The following PDE3B variants were observed in gnomAD, a reference collection of about 807,000 sequenced individuals.
PDE3B encodes phosphodiesterase 3B.
A neutral mutation model predicts 116.8 loss-of-function variants in PDE3B; 66 were observed. The ratio of observed to expected loss-of-function variants is 0.56; its 90% CI spans 0.46 to 0.69. The LOEUF (loss-of-function observed/expected upper bound fraction) is 0.69, where lower values mean the gene tolerates loss of function less well. PDE3B is among the 30% of genes least tolerant of loss of function. The pLI is 0.00. For synonymous variants in PDE3B, 595 were observed against 533.6 expected (o/e 1.12, Z -1.59); for missense variants, 1,384 against 1,368.1 (o/e 1.01, Z -0.18).
At chr11:14,662,218 C>T (rs1447960981) in intron 1 of PDE3B, among the ~76,000 whole-genome samples, 3 of 152,186 alleles carry the variant, frequency 2.0e-5, no homozygotes, top group Non-Finnish European at 4.4e-5. Context: ...GCACCTCTAG[C>T]AAACTCCAAC....
At chr11:14,742,557 T>C (rs940616861) in intron 1 of PDE3B, among the ~76,000 whole-genome samples, 2 of 152,196 alleles carry the variant, frequency 1.3e-5, no homozygotes, top group African/African-American at 2.4e-5. Context: ...AATCGTTTGT[T>C]ATTACCCACC....
chr11:14,898,289 C>T, the PDE3B span, among the ~76,000 whole-genome samples: 1 of 152,052 alleles, frequency 6.6e-6, no homozygotes, highest in Non-Finnish European at 1.5e-5. Flanking sequence ...CAATGCAAAC[C>T]TGTTTTAAAG....
intron 12 of PDE3B, among the ~76,000 whole-genome samples, chr11:14,851,509 GGTGT>G (rs35913217): frequency 1.8e-4 from 26 of 148,550 alleles, no homozygotes; most frequent in Middle Eastern, 3.4e-3. Flanking sequence ...GGTATAATGG[GGTGT>G]GTGTGTGTGT....
the PDE3B span, chr11:14,885,703 C>A: frequency 6.9e-7 from 1 of 1,455,028 alleles, no homozygotes; most frequent in Non-Finnish European, 9.6e-7. Context: ...CAACTGTATG[C>A]ACTAAAACTT....
chr11:14,820,260 A>G (rs1312869848), intron 7 of PDE3B, among the ~76,000 whole-genome samples: 19 of 151,728 alleles, frequency 1.3e-4, no homozygotes, highest in Admixed American at 1.2e-3. Flanking sequence ...TATCATTACA[A>G]TGGAATTCAG....
chr11:14,810,888 TG>T (rs1200619855), intron 5 of PDE3B, among the ~76,000 whole-genome samples: 8 of 147,446 alleles, frequency 5.4e-5, no homozygotes, highest in Non-Finnish European at 1.2e-4. Context: ...TATCTCATTG[TG>T]GTTTTGATTT....
At chr11:14,880,559 G>T in the PDE3B span, 11 of 1,613,296 alleles carry the variant, frequency 6.8e-6, no homozygotes, top group Non-Finnish European at 7.6e-6. Context: ...AAAATGATCA[G>T]ATTGGTTATG....
chr11:14,884,188 C>T, the PDE3B span, among the ~76,000 whole-genome samples: 6 of 151,858 alleles, frequency 4.0e-5, no homozygotes, highest in South Asian at 2.1e-4. Flanking sequence ...TGGGTATATA[C>T]CCAAAGGACT....
intron 1 of PDE3B, among the ~76,000 whole-genome samples, chr11:14,715,744 T>G (rs1855860495): frequency 6.6e-6 from 1 of 152,216 alleles, no homozygotes; most frequent in African/African-American, 2.4e-5. Flanking sequence ...TTGAACACCC[T>G]TTATTTCCTT....
rs761556694 is a variant in PDE3B, at chr11:14,835,038, C to T, written c.2263C>T (p.Arg755Trp). 8 of 1,613,162 alleles carry T rather than the reference C, an allele frequency of 5.0e-6. No individual in the cohort carries two copies. The highest frequency in any genetic ancestry group is 2.7e-5 in the African/African-American group (2 of 74,930). Residue 755 changes from arginine (R) to tryptophan (W), a missense_variant, in exon 11 of 16, where the codon CGG becomes TGG. Physicochemically the swap from Arg to Trp is moderately radical, Grantham distance 101. This residue lies in a region of PDE3B where 428 missense variants were observed against 561.4 expected (regional missense o/e 0.76). Transcript: ENST00000282096. ...ACATGCAGTTTGGTATCTGACAACA[C>T]GGCCAGTTCCTGGCTTACAGCAGAT... is the stretch of plus-strand genomic sequence containing the variant. Reference protein sequence around the residue: ...VLHAVWYLTTRPVPGLQQIHN... With the variant: ...VLHAVWYLTTWPVPGLQQIHN...
At chr11:14,791,370 T>TA (rs2133921187) in intron 4 of PDE3B, among the ~76,000 whole-genome samples, 1 of 152,216 alleles carries the variant, frequency 6.6e-6, no homozygotes, top group African/African-American at 2.4e-5. Context: ...AGCCTATGCC[T>TA]GATACCAGGT....
the PDE3B span, chr11:14,890,425 T>C: frequency 3.1e-6 from 3 of 975,242 alleles, no homozygotes; most frequent in Non-Finnish European, 3.7e-6. Context: ...CTAAGAATTA[T>C]ACATACCTTT....
At chr11:14,760,309 G>A (rs1432947724) in intron 1 of PDE3B, among the ~76,000 whole-genome samples, 1 of 152,096 alleles carries the variant, frequency 6.6e-6, no homozygotes, top group Non-Finnish European at 1.5e-5. Flanking sequence ...ATTTATAATG[G>A]AACAAGTGAT....
chr11:14,819,219 C>G lies in PDE3B; in HGVS notation c.1807+10C>G, dbSNP rs1172716527. On this transcript the variant is annotated intron_variant, in intron 7 of 15. Coordinates refer to ENST00000282096, the MANE Select transcript of PDE3B (RefSeq NM_000922.4). ...TGCAGTGGAAAATCAGGTGAGATTA[C>G]AAAAGTCATATGTATTTGAGTTTAA... The G allele has an allele frequency of 1.3e-6, 2 of 1,541,828 alleles. No individual in the cohort carries two copies. Among genetic ancestry groups the G allele is most frequent in the South Asian group, 2.3e-5 (2 of 86,396 alleles).
At chr11:14,821,452 T>C (rs1859512188) in intron 7 of PDE3B, among the ~76,000 whole-genome samples, 1 of 152,186 alleles carries the variant, frequency 6.6e-6, no homozygotes, top group Non-Finnish European at 1.5e-5. Context: ...AAATGCTTCA[T>C]TTACCTCACC....
chr11:14,890,534 A>ATTTT, the PDE3B span: 7 of 170,252 alleles, frequency 4.1e-5, no homozygotes, highest in South Asian at 2.4e-4. Context: ...ACCTAGACCA[A>ATTTT]TTCTTTTTTT....
At chr11:14,767,920 A>G (rs943437659) in intron 1 of PDE3B, among the ~76,000 whole-genome samples, 2 of 151,150 alleles carry the variant, frequency 1.3e-5, no homozygotes, top group African/African-American at 2.4e-5. Context: ...TCGTGTATAC[A>G]TATATGTAAT....
chr11:14,649,606 A>G (rs191585362), intron 1 of PDE3B, among the ~76,000 whole-genome samples: 34 of 152,322 alleles, frequency 2.2e-4, no homozygotes, highest in African/African-American at 7.7e-4. Flanking sequence ...GTCTCTGGTT[A>G]AAGGAGGTAG....
chr11:14,890,059 G>A, the PDE3B span, among the ~76,000 whole-genome samples: 1 of 152,076 alleles, frequency 6.6e-6, no homozygotes, highest in East Asian at 1.9e-4. Context: ...AACTCGGGAG[G>A]CGGAGCTTTC....
Sources: allele counts gnomAD v4.1 joint callset (sites outside exome capture counted in the v4.1 genomes callset), GRCh38; gene constraint gnomAD v4.1.1; regional missense constraint gnomAD v4.1.1; transcripts MANE v1.5; gene names NCBI Gene and HGNC (gene_info 2026-07-23, HGNC 2026-07-21).